The following AGBL1 variants were observed in gnomAD, a reference collection of about 807,000 sequenced individuals.
AGBL1 encodes the protein AGBL carboxypeptidase 1.
AGBL1 carries 130 observed loss-of-function variants against 118.9 expected under a neutral mutation model. That is an observed-to-expected ratio of 1.09 (90% CI 0.95 to 1.26). The LOEUF (loss-of-function observed/expected upper bound fraction) is 1.26. Among genes scored for constraint, AGBL1 ranks in the 50% most tolerant of loss-of-function variants. AGBL1 has a pLI of 0.00. For synonymous variants in AGBL1, 555 were observed against 478.9 expected, an observed-to-expected ratio of 1.16 and a Z score of -2.08; for missense variants, 1,584 against 1,298.1, an observed-to-expected ratio of 1.22 and a Z score of -3.38.
At chr15:86,672,509 G>T (rs1251167946) in intron 21 of AGBL1, among the ~76,000 whole-genome samples, 2 of 152,116 alleles carry the variant, frequency 1.3e-5, no homozygotes. Context: ...GAGTGCTCCT[G>T]CCCCCGAGGG....
intron 18 of AGBL1, among the ~76,000 whole-genome samples, chr15:86,436,256 T>C: frequency 6.6e-6 from 1 of 151,902 alleles, no homozygotes; most frequent in Non-Finnish European, 1.5e-5. Flanking sequence ...AAGTCTCATC[T>C]CCTACCCAGA....
intron 21 of AGBL1, among the ~76,000 whole-genome samples, chr15:86,556,838 T>C (rs1160456463): frequency 1.3e-5 from 2 of 152,202 alleles, no homozygotes; most frequent in African/African-American, 4.8e-5. Context: ...TTTCCTTCCT[T>C]CATAAGAATG....
At chr15:86,587,919 C>T (rs921993505) in intron 21 of AGBL1, among the ~76,000 whole-genome samples, 22 of 152,148 alleles carry the variant, frequency 1.4e-4, no homozygotes, top group Admixed American at 7.9e-4. Flanking sequence ...CAGGCTCCAA[C>T]GACTCACTAT....
intron 1 of AGBL1, among the ~76,000 whole-genome samples, chr15:86,124,321 C>G (rs1898274733): frequency 1.6e-5 from 2 of 125,264 alleles, no homozygotes; most frequent in South Asian, 2.6e-4. Context: ...CAGAGTGAGA[C>G]TCTGTCTCAA....
chr15:86,234,293 C>T (rs1483296660), intron 6 of AGBL1, among the ~76,000 whole-genome samples: 1 of 152,050 alleles, frequency 6.6e-6, no homozygotes, highest in South Asian at 2.1e-4. Context: ...TGGCTCATGC[C>T]TCTAATCCCA....
At chr15:86,820,520 G>T (rs1249091627) in intron 22 of AGBL1, among the ~76,000 whole-genome samples, 2 of 152,070 alleles carry the variant, frequency 1.3e-5, no homozygotes, top group Non-Finnish European at 2.9e-5. Context: ...GTGGGAGAAG[G>T]ATATGAACAA....
At chr15:86,706,833 T>C (rs1387081843) in intron 22 of AGBL1, among the ~76,000 whole-genome samples, 2 of 152,144 alleles carry the variant, frequency 1.3e-5, no homozygotes, top group Non-Finnish European at 2.9e-5. Context: ...TGCACTAATT[T>C]GTTGTGGAAT....
At chr15:86,745,911 G>A (rs943591797) in intron 22 of AGBL1, among the ~76,000 whole-genome samples, 8 of 152,004 alleles carry the variant, frequency 5.3e-5, no homozygotes, top group African/African-American at 1.7e-4. Flanking sequence ...CAACACCATG[G>A]GCACCAGAGC....
intron 24 of AGBL1, among the ~76,000 whole-genome samples, chr15:87,021,831 A>G (rs192370849): frequency 4.9e-4 from 75 of 152,198 alleles, no homozygotes; most frequent in African/African-American, 1.8e-3. Context: ...CTCCAGAACA[A>G]CTGCAGGAAT....
At chr15:87,026,963 C>A (rs2081733984) in intron 24 of AGBL1, among the ~76,000 whole-genome samples, 1 of 151,880 alleles carries the variant, frequency 6.6e-6, no homozygotes, top group South Asian at 2.1e-4. Context: ...AAGAATGATA[C>A]AATGGACTTT....
At chr15:86,791,858 T>C (rs2141331532) in intron 22 of AGBL1, among the ~76,000 whole-genome samples, 1 of 151,964 alleles carries the variant, frequency 6.6e-6, no homozygotes, top group Non-Finnish European at 1.5e-5. Flanking sequence ...TGCCTTAGCC[T>C]CTGGAGTAGC....
intron 9 of AGBL1, 34 bp from the exon 10 acceptor site, chr15:86,262,744 G>C (rs2079012752): frequency 7.0e-7 from 1 of 1,427,970 alleles, no homozygotes; most frequent in African/African-American, 1.4e-5. Context: ...TGGATTTCCT[G>C]ACTGTAATCT....
chr15:86,337,846 G>A lies in AGBL1; in HGVS notation c.2374+42438G>A, dbSNP rs539563009. ...TAACAAACCTGCACATCTTGCACAT[G>A]TACCCTGGAACTTAAAACAAACAAA... On this transcript the variant is annotated intron_variant, in intron 17 of 22. Transcript: ENST00000614907. Among the ~76,000 whole-genome samples, 10 of 152,202 alleles carry A rather than the reference G, an allele frequency of 6.6e-5. No individual in the cohort carries two copies. In the South Asian group the frequency reaches 2.1e-3, roughly 32 times the overall value.
At chr15:86,433,263 C>CTTTT (rs1292975189) in intron 18 of AGBL1, among the ~76,000 whole-genome samples, 33 of 54,960 alleles carry the variant, frequency 6.0e-4, no homozygotes, top group Admixed American at 1.3e-3. Flanking sequence ...CCTCCTCCTT[C>CTTTT]TTCTTTTTTT....
chr15:86,680,911 G>A (rs766713922), intron 22 of AGBL1, among the ~76,000 whole-genome samples: 43 of 151,936 alleles, frequency 2.8e-4, no homozygotes, highest in Non-Finnish European at 5.2e-4. Context: ...GTTTCTCTGT[G>A]TTCCCTAAAA....
At chr15:86,309,836 T>G (rs1234602651) in intron 17 of AGBL1, among the ~76,000 whole-genome samples, 2 of 152,240 alleles carry the variant, frequency 1.3e-5, no homozygotes, top group Non-Finnish European at 2.9e-5. Context: ...TTTGCTAGTA[T>G]TCCATTGGCA....
At chr15:86,343,917 A>T (rs750553145) in intron 17 of AGBL1, among the ~76,000 whole-genome samples, 3 of 152,184 alleles carry the variant, frequency 2.0e-5, no homozygotes, top group Non-Finnish European at 4.4e-5. Flanking sequence ...CCCTTCCTCA[A>T]ATGGTGAATA....
intron 20 of AGBL1, among the ~76,000 whole-genome samples, chr15:86,547,984 G>A (rs2083608994): frequency 6.6e-6 from 1 of 152,104 alleles, no homozygotes; most frequent in Non-Finnish European, 1.5e-5. Context: ...CTCTATCACT[G>A]ACACTCTAAA....
intron 6 of AGBL1, among the ~76,000 whole-genome samples, chr15:86,236,282 C>T (rs1260107468): frequency 6.6e-6 from 1 of 151,838 alleles, no homozygotes; most frequent in Non-Finnish European, 1.5e-5. Flanking sequence ...GACCGTGAGG[C>T]ACACAGAGCA....
Sources: allele counts gnomAD v4.1 joint callset (sites outside exome capture counted in the v4.1 genomes callset), GRCh38; gene constraint gnomAD v4.1.1; transcripts MANE v1.5; gene names NCBI Gene and HGNC (gene_info 2026-07-23, HGNC 2026-07-21).